Variants in KCNC2 observed in about 807,000 individuals in gnomAD.
KCNC2 encodes voltage-gated potassium channel KCNC2.
Under a neutral mutation model 44.5 loss-of-function variants are expected in KCNC2, and 21 were observed. The ratio of observed to expected loss-of-function variants is 0.47; its 90% confidence interval spans 0.33 to 0.68. The LOEUF (loss-of-function observed/expected upper bound fraction) is 0.68. Among genes scored for constraint, KCNC2 ranks in the 30% least tolerant of loss-of-function variants. The pLI is 0.01. For synonymous variants in KCNC2, 391 were observed against 339.1 expected (o/e 1.15, Z -1.68); for missense variants, 589 against 826.2 (o/e 0.71, Z 3.52).
intron 2 of KCNC2, among the ~76,000 whole-genome samples, chr12:75,161,060 T>A (rs1459108110): frequency 2.1e-5 from 3 of 143,316 alleles, no homozygotes; most frequent in Non-Finnish European, 4.6e-5. Context: ...ACCTACATAT[T>A]TGGTTTAATT....
intron 2 of KCNC2, among the ~76,000 whole-genome samples, chr12:75,079,953 G>A (rs1565836248): frequency 6.6e-6 from 1 of 152,114 alleles, no homozygotes; most frequent in Admixed American, 6.6e-5. Context: ...TTCATCAGAA[G>A]TGAGAATAAA....
Position 75,042,266 on chromosome 12 carries a change from T to C in KCNC2, c.*839A>G, listed in dbSNP as rs759882859. On this transcript the variant is annotated 3_prime_UTR_variant, in exon 5 of 5. Coordinates refer to ENST00000549446, the MANE Select transcript of KCNC2 (RefSeq NM_139137.4). ...AATTTCTGGCTAAACAATGCAAGCC[T>C]GGCTGGCAGTTACCTTTCTCTCATG... The C allele has an allele frequency of 1.2e-6, 2 of 1,607,234 alleles. No homozygotes were observed. Among genetic ancestry groups the C allele is most frequent in the Admixed American group, 1.7e-5 (1 of 59,106 alleles).
intron 2 of KCNC2, among the ~76,000 whole-genome samples, chr12:75,057,213 T>G (rs1881841200): frequency 6.6e-6 from 1 of 152,086 alleles, no homozygotes; most frequent in African/African-American, 2.4e-5. Context: ...TTCTTCTTTT[T>G]TACAGCACCA....
chr12:75,195,178 A>G (rs1218447698), intron 2 of KCNC2, among the ~76,000 whole-genome samples: 3 of 152,178 alleles, frequency 2.0e-5, no homozygotes, highest in African/African-American at 7.2e-5. Context: ...TAAATAAAGT[A>G]GTAGCAATAT....
At chr12:75,178,489 T>A (rs1892344895) in intron 2 of KCNC2, among the ~76,000 whole-genome samples, 1 of 152,024 alleles carries the variant, frequency 6.6e-6, no homozygotes, top group East Asian at 1.9e-4. Context: ...TAAAATTGTG[T>A]TTTGTTTACT....
At chr12:75,051,884 T>TG (rs951852229) in intron 2 of KCNC2, among the ~76,000 whole-genome samples, 1 of 151,966 alleles carries the variant, frequency 6.6e-6, no homozygotes, top group Non-Finnish European at 1.5e-5. Context: ...CAACTTCAGG[T>TG]GGAGACTTGT....
chr12:75,152,301 A>G (rs1479128000), intron 2 of KCNC2, among the ~76,000 whole-genome samples: 3 of 151,500 alleles, frequency 2.0e-5, no homozygotes, highest in Non-Finnish European at 4.4e-5. Flanking sequence ...GAATAAAAAG[A>G]TCTTAAAATC....
At chr12:75,099,204 A>G (rs1363347920) in intron 2 of KCNC2, among the ~76,000 whole-genome samples, 1 of 152,202 alleles carries the variant, frequency 6.6e-6, no homozygotes, top group Non-Finnish European at 1.5e-5. Flanking sequence ...GGCTGGCACA[A>G]ATGCAAGGTG....
chr12:75,131,748 G>A (rs1482118146), intron 2 of KCNC2, among the ~76,000 whole-genome samples: 1 of 152,044 alleles, frequency 6.6e-6, no homozygotes, highest in Non-Finnish European at 1.5e-5. Context: ...AAGGAAAGAG[G>A]GACCTCAGTT....
chr12:75,102,042 A>T (rs1886411897), intron 2 of KCNC2, among the ~76,000 whole-genome samples: 1 of 152,100 alleles, frequency 6.6e-6, no homozygotes, highest in Non-Finnish European at 1.5e-5. Context: ...TGTCAAGAAT[A>T]ATTTCTTTGC....
At chr12:75,158,179 G>T (rs111948086) in intron 2 of KCNC2, among the ~76,000 whole-genome samples, 209 of 151,846 alleles carry the variant, frequency 1.4e-3, no homozygotes, top group Admixed American at 2.3e-3. Flanking sequence ...TCTGAATAAG[G>T]CTTTCATCCA....
intron 2 of KCNC2, among the ~76,000 whole-genome samples, chr12:75,083,398 C>A (rs1884682385): frequency 6.6e-6 from 1 of 151,872 alleles, no homozygotes; most frequent in Non-Finnish European, 1.5e-5. Context: ...GTGCATTTAA[C>A]TGATTAAGAA....
chr12:75,181,111 T>C (rs776726775), intron 2 of KCNC2, among the ~76,000 whole-genome samples: 3 of 152,132 alleles, frequency 2.0e-5, no homozygotes, highest in Non-Finnish European at 4.4e-5. Context: ...CTTGACAAAC[T>C]AGTTTCTAGG....
At position 75,207,639 on chromosome 12, in the gene KCNC2, G is replaced by A. The variant is rs2031800496; in HGVS notation, c.345C>T (p.Leu115=). 3.1e-6 allele frequency: 5 copies of A among 1,611,856 alleles called. No homozygotes were observed. The South Asian group carries it at 4.4e-5, about 14-fold the overall frequency. Residue 115 remains leucine, a synonymous_variant, in exon 2 of 5, where the codon CTC becomes CTT. Transcript: ENST00000549446. The surrounding 1 kb of genome is among the most constrained non-coding windows in gnomAD (Gnocchi z 4.1). The part of the protein sequence containing the change: ...DRHPGVFAYV[L]NYYRTGKLHC... The stretch of plus-strand genomic sequence containing the variant: ...GCAGCTTGCCGGTGCGGTAGTAATT[G>A]AGCACATAGGCGAAGACGCCCGGGT...
At chr12:75,131,465 A>T (rs7308847) in intron 2 of KCNC2, among the ~76,000 whole-genome samples, 4,995 of 152,240 alleles carry the variant, frequency 0.033, 279 homozygotes, top group African/African-American at 0.11. Context: ...GTTATGTTAC[A>T]TGTCAAAAGG....
At chr12:75,178,796 G>C (rs1892365111) in intron 2 of KCNC2, among the ~76,000 whole-genome samples, 1 of 152,070 alleles carries the variant, frequency 6.6e-6, no homozygotes, top group Admixed American at 6.6e-5. Context: ...ATGCTTGCCA[G>C]CGTGGAGCAA....
At chr12:75,059,458 T>G (rs969368303) in intron 2 of KCNC2, among the ~76,000 whole-genome samples, 15 of 152,152 alleles carry the variant, frequency 9.9e-5, no homozygotes, top group Admixed American at 3.3e-4. Context: ...CAGAAGCAGG[T>G]AGGAGAAATC....
In KCNC2 at chr12:75,144,819, G is replaced by T. The variant is rs76436116; in HGVS notation, c.687+62478C>A. On this transcript the variant is annotated intron_variant, in intron 2 of 4. Coordinates refer to ENST00000549446, the MANE Select transcript of KCNC2 (RefSeq NM_139137.4). Reference sequence around the variant, plus strand: ...AATTGTGAATTGTCTACGGTGAATGGTTTCTTCCTTTTGACATGGACATTA... The same window carrying T: ...AATTGTGAATTGTCTACGGTGAATGTTTTCTTCCTTTTGACATGGACATTA... 0.018 allele frequency among the ~76,000 whole-genome samples: 2,753 copies of T among 152,046 alleles called. 246 individuals are homozygous for T. The East Asian group carries it at 0.28, about 16-fold the overall frequency.
intron 2 of KCNC2, among the ~76,000 whole-genome samples, chr12:75,069,129 C>CTTTTTGTTTTT (rs1883129511): frequency 1.6e-5 from 1 of 63,648 alleles, no homozygotes; most frequent in Non-Finnish European, 2.8e-5. Context: ...TTTATATAAT[C>CTTTTTGTTTTT]TTTTTTTTTT....
Sources: allele counts gnomAD v4.1 joint callset (sites outside exome capture counted in the v4.1 genomes callset), GRCh38; gene constraint gnomAD v4.1.1; non-coding constraint Gnocchi (gnomAD v3.1); transcripts MANE v1.5; gene names NCBI Gene and HGNC (gene_info 2026-07-23, HGNC 2026-07-21).